Variants in TNFRSF21 observed in about 807,000 individuals in gnomAD.
TNFRSF21 encodes the protein tumor necrosis factor receptor superfamily member 21.
TNFRSF21 carries 19 observed loss-of-function variants against 45.6 expected under a neutral mutation model. The observed-to-expected ratio is 0.42, with a 90% CI of 0.29 to 0.61. The LOEUF (loss-of-function observed/expected upper bound fraction) is 0.61, where lower values mean the gene tolerates loss of function less well. TNFRSF21 is among the 20% of genes least tolerant of loss of function. The pLI is 0.23. For missense variants in TNFRSF21, 737 were observed against 851.5 expected, an observed-to-expected ratio of 0.87 and a Z score of 1.67; for synonymous variants, 314 against 335.5, an observed-to-expected ratio of 0.94 and a Z score of 0.70.
intron 3 of TNFRSF21, among the ~76,000 whole-genome samples, chr6:47,255,464 T>C (rs890923306): frequency 6.6e-6 from 1 of 152,006 alleles, no homozygotes; most frequent in African/African-American, 2.4e-5. Context: ...CTTTGGTTTT[T>C]TTTTTTGTTT....
chr6:47,254,741 C>T (rs1247685059), intron 3 of TNFRSF21, among the ~76,000 whole-genome samples: 1 of 152,198 alleles, frequency 6.6e-6, no homozygotes, highest in Admixed American at 6.5e-5. Flanking sequence ...ATTCAGTCTT[C>T]CAACTTGGCT....
intron 3 of TNFRSF21, among the ~76,000 whole-genome samples, chr6:47,265,699 GA>G (rs1762322948): frequency 6.6e-6 from 1 of 152,168 alleles, no homozygotes; most frequent in South Asian, 2.1e-4. Flanking sequence ...CTTTGTTAAG[GA>G]AAAGTAGAAT....
At chr6:47,284,972 G>C (rs1457002246) in intron 2 of TNFRSF21, among the ~76,000 whole-genome samples, 1 of 152,166 alleles carries the variant, frequency 6.6e-6, no homozygotes, top group Admixed American at 6.5e-5. Context: ...AACAAGATTT[G>C]GGCTGGCAGC....
At chr6:47,270,130 A>T (rs532473393) in intron 3 of TNFRSF21, among the ~76,000 whole-genome samples, 1 of 152,252 alleles carries the variant, frequency 6.6e-6, no homozygotes, top group East Asian at 1.9e-4. Context: ...CTCTAAAGAG[A>T]GCAGTGGTTC....
At chr6:47,296,583 G>A (rs886501205) in intron 1 of TNFRSF21, among the ~76,000 whole-genome samples, 50 of 152,280 alleles carry the variant, frequency 3.3e-4, no homozygotes, top group African/African-American at 1.2e-3. Context: ...CAACCTCAGG[G>A]AAGGGGAGAA....
At chr6:47,282,152 G>A (rs1025594258) in intron 3 of TNFRSF21, among the ~76,000 whole-genome samples, 16 of 152,202 alleles carry the variant, frequency 1.1e-4, no homozygotes, top group Non-Finnish European at 1.8e-4. Flanking sequence ...TTGGGAGGCC[G>A]AGGCGGGCGG....
intron 3 of TNFRSF21, among the ~76,000 whole-genome samples, chr6:47,270,205 C>T (rs922509179): frequency 3.9e-5 from 6 of 152,126 alleles, no homozygotes; most frequent in African/African-American, 7.2e-5. Context: ...CCCTGACCCC[C>T]GTATAGCCTA....
intron 3 of TNFRSF21, among the ~76,000 whole-genome samples, chr6:47,271,537 C>T (rs1454279935): frequency 6.6e-6 from 1 of 152,176 alleles, no homozygotes; most frequent in Non-Finnish European, 1.5e-5. Flanking sequence ...AGAGAAACAA[C>T]CAGTATCAGC....
At position 47,299,005 on chromosome 6, in the gene TNFRSF21, T is replaced by C. The variant is rs181502140; in HGVS notation, c.96+10411A>G. ...TATCTTGCAGAACATACTAATGTAG[T>C]TCTTACCACAAATATGACACTAAAG... On this transcript the variant is annotated intron_variant, in intron 1 of 5. Transcript: ENST00000296861. 2.1e-3 allele frequency among the ~76,000 whole-genome samples: 316 copies of C among 152,330 alleles called. 1 individual carries two copies. Among genetic ancestry groups the C allele is most frequent in the African/African-American group, 7.3e-3 (304 of 41,578 alleles).
At chr6:47,250,252 T>C (rs1263388715) in intron 4 of TNFRSF21, among the ~76,000 whole-genome samples, 1 of 152,214 alleles carries the variant, frequency 6.6e-6, no homozygotes, top group Non-Finnish European at 1.5e-5. Flanking sequence ...CAGTGTTTTG[T>C]TTTTTAATAG....
chr6:47,293,282 A>G (rs548646471), intron 1 of TNFRSF21, among the ~76,000 whole-genome samples: 8 of 152,318 alleles, frequency 5.3e-5, no homozygotes, highest in African/African-American at 1.9e-4. Flanking sequence ...CTCAATAATG[A>G]AGATCGTGGG....
In TNFRSF21 at chr6:47,234,915, T is replaced by A; in HGVS notation, c.1510-17A>T. 1.5e-6 allele frequency: 2 copies of A among 1,320,388 alleles called. No homozygotes were observed. The highest frequency in any genetic ancestry group is 4.5e-5 in the South Asian group (2 of 44,642). The allele number at this position is 1,320,388 out of a possible 1,614,324, so 81.8% of individuals were successfully genotyped here. ...AGTTTCCAGCTGTAGGAGGGAAAAT[T>A]TTTTTTTATTATATATAGAAAAAAA... On this transcript the variant is annotated splice_polypyrimidine_tract_variant and intron_variant, in intron 4 of 5. Coordinates refer to ENST00000296861, the MANE Select transcript of TNFRSF21 (RefSeq NM_014452.5).
At chr6:47,265,904 C>CA (rs1762327345) in intron 3 of TNFRSF21, among the ~76,000 whole-genome samples, 1 of 152,176 alleles carries the variant, frequency 6.6e-6, no homozygotes, top group Non-Finnish European at 1.5e-5. Context: ...TCACTCCTAA[C>CA]ACACTTGATT....
At chr6:47,291,902 A>G (rs1762734622) in intron 1 of TNFRSF21, among the ~76,000 whole-genome samples, 1 of 152,246 alleles carries the variant, frequency 6.6e-6, no homozygotes, top group South Asian at 2.1e-4. Context: ...AAGAGTTGGC[A>G]ACATCCCTTT....
chr6:47,282,262 G>A (rs1456887311), intron 3 of TNFRSF21, among the ~76,000 whole-genome samples: 1 of 151,856 alleles, frequency 6.6e-6, no homozygotes, highest in Non-Finnish European at 1.5e-5. Flanking sequence ...GTACATGCCT[G>A]TAATCCCAGC....
intron 3 of TNFRSF21, among the ~76,000 whole-genome samples, chr6:47,278,213 C>A (rs1300235347): frequency 6.6e-6 from 1 of 152,132 alleles, no homozygotes; most frequent in Non-Finnish European, 1.5e-5. Flanking sequence ...GTATAAAGAA[C>A]CCACCTGAAG....
chr6:47,247,454 T>A (rs1764838654), intron 4 of TNFRSF21, among the ~76,000 whole-genome samples: 1 of 152,180 alleles, frequency 6.6e-6, no homozygotes, highest in African/African-American at 2.4e-5. Flanking sequence ...AATTGGAAAA[T>A]TAATGACAAA....
chr6:47,241,792 T>A (rs1764749181), intron 4 of TNFRSF21, among the ~76,000 whole-genome samples: 1 of 152,096 alleles, frequency 6.6e-6, no homozygotes, highest in Non-Finnish European at 1.5e-5. Flanking sequence ...AAGAGAAAAA[T>A]TCCCCAAACT....
intron 3 of TNFRSF21, among the ~76,000 whole-genome samples, chr6:47,263,844 G>A (rs1299473522): frequency 6.6e-6 from 1 of 152,204 alleles, no homozygotes; most frequent in East Asian, 1.9e-4. Context: ...ATATAAAAGA[G>A]TGGTATGTCT....
Sources: gnomAD v4.1 joint callset for allele counts (sites outside exome capture counted in the v4.1 genomes callset) on GRCh38, gnomAD v4.1.1 for gene constraint, MANE v1.5 for transcripts, NCBI Gene and HGNC (gene_info 2026-07-23, HGNC 2026-07-21) for gene names.